Variants in CRPPA observed in about 807,000 individuals in gnomAD.
The protein encoded by CRPPA is CDP-L-ribitol pyrophosphorylase A, also known as D-ribitol-5-phosphate cytidylyltransferase.
In CRPPA, 43 loss-of-function variants were observed where a neutral mutation model predicts 52.0. The observed-to-expected ratio is 0.83, with a 90% confidence interval of 0.65 to 1.07. The LOEUF is 1.07. CRPPA is among the 50% of genes least tolerant of loss of function. The pLI is 0.00. For missense variants in CRPPA, 629 were observed against 551.7 expected, an observed-to-expected ratio of 1.14 and a Z score of -1.40; for synonymous variants, 250 against 203.5, an observed-to-expected ratio of 1.23 and a Z score of -1.94.
At chr7:16,396,625 C>T (rs1029053370) in intron 2 of CRPPA, among the ~76,000 whole-genome samples, 10 of 152,224 alleles carry the variant, frequency 6.6e-5, no homozygotes, top group Admixed American at 1.3e-4. Flanking sequence ...CTTACACATG[C>T]ATATATGTAG....
chr7:16,417,247 G>T (rs542621737), intron 1 of CRPPA, among the ~76,000 whole-genome samples: 1 of 152,274 alleles, frequency 6.6e-6, no homozygotes, highest in African/African-American at 2.4e-5. Context: ...ATTTCTCAAA[G>T]AACTTAAAAC....
intron 9 of CRPPA, among the ~76,000 whole-genome samples, chr7:16,178,492 A>G (rs1378993634): frequency 6.6e-6 from 1 of 152,156 alleles, no homozygotes; most frequent in Admixed American, 6.6e-5. Context: ...AAATGGTGGG[A>G]TAAACCATGT....
At chr7:16,203,702 C>A (rs146322827) in intron 9 of CRPPA, among the ~76,000 whole-genome samples, 1 of 152,076 alleles carries the variant, frequency 6.6e-6, no homozygotes, top group East Asian at 1.9e-4. Flanking sequence ...AGAATTTTTT[C>A]AGTTATATTT....
intron 5 of CRPPA, among the ~76,000 whole-genome samples, chr7:16,290,621 C>T (rs1385477927): frequency 6.6e-6 from 1 of 151,990 alleles, no homozygotes; most frequent in South Asian, 2.1e-4. Flanking sequence ...ACTCCTATCT[C>T]TCATCATATA....
At chr7:16,113,137 C>A (rs530508397) in intron 9 of CRPPA, among the ~76,000 whole-genome samples, 4 of 151,690 alleles carry the variant, frequency 2.6e-5, no homozygotes, top group Non-Finnish European at 4.4e-5. Flanking sequence ...AGAAATGAGA[C>A]CTGAAATACA....
chr7:16,301,461 G>A lies in CRPPA; in HGVS notation c.795C>T (p.Thr265=). The change falls in exon 5 of 10, where the codon ACC becomes ACT. Residue 265 remains threonine (T), a synonymous_variant. Coordinates refer to ENST00000407010, the MANE Select transcript of CRPPA (RefSeq NM_001101426.4). ...CAGCCGCATAGAGATCTCGTTTGTA[G>A]GTCACCTAAAGGACAGATAAACTTC... The part of the protein sequence containing the change: ...VEGSPDLWKV[T]YKRDLYAAES... 1 of 1,611,722 alleles carries A rather than the reference G, an allele frequency of 6.2e-7. No individual in the cohort carries two copies. The highest frequency in any genetic ancestry group is 1.7e-4 in the Middle Eastern group (1 of 6,058).
At chr7:16,263,658 C>A (rs892785865) in intron 6 of CRPPA, among the ~76,000 whole-genome samples, 3 of 151,828 alleles carry the variant, frequency 2.0e-5, no homozygotes, top group African/African-American at 7.3e-5. Flanking sequence ...GAGGCTGAGG[C>A]AGAGAACTGC....
At chr7:16,276,597 A>C (rs1047690993) in intron 6 of CRPPA, 2 of 152,236 alleles carry the variant, frequency 1.3e-5, no homozygotes, top group Admixed American at 6.5e-5. Flanking sequence ...AATTTTATTC[A>C]CATCGAAGAA....
At chr7:16,403,589 T>C (rs1184821000) in intron 2 of CRPPA, among the ~76,000 whole-genome samples, 1 of 152,098 alleles carries the variant, frequency 6.6e-6, no homozygotes, top group East Asian at 1.9e-4. Context: ...GAAAACTATC[T>C]AAGACAACAA....
intron 9 of CRPPA, among the ~76,000 whole-genome samples, chr7:16,143,337 C>A (rs929058919): frequency 6.6e-6 from 1 of 152,150 alleles, no homozygotes; most frequent in Non-Finnish European, 1.5e-5. Flanking sequence ...GAATAAAAAA[C>A]TTACCTTTGG....
chr7:16,355,366 T>C (rs900680976), intron 3 of CRPPA, among the ~76,000 whole-genome samples: 1 of 152,176 alleles, frequency 6.6e-6, no homozygotes, highest in Admixed American at 6.5e-5. Context: ...ATCATTACAG[T>C]GATTGACCCG....
At chr7:16,340,239 T>C (rs1319957657) in intron 3 of CRPPA, among the ~76,000 whole-genome samples, 3 of 151,854 alleles carry the variant, frequency 2.0e-5, no homozygotes, top group Admixed American at 6.6e-5. Context: ...CATGAAAAAA[T>C]TGGTACACTA....
intron 3 of CRPPA, among the ~76,000 whole-genome samples, chr7:16,358,763 T>C (rs1243750876): frequency 6.6e-6 from 1 of 152,186 alleles, no homozygotes; most frequent in Non-Finnish European, 1.5e-5. Flanking sequence ...AAAAAACTGC[T>C]TTCTACTAGT....
chr7:16,410,296 G>C (rs556617444), intron 1 of CRPPA, among the ~76,000 whole-genome samples: 1 of 152,186 alleles, frequency 6.6e-6, no homozygotes, highest in Non-Finnish European at 1.5e-5. Flanking sequence ...AGTGATTCTG[G>C]AATAAGACTA....
At chr7:16,186,333 G>C (rs1781504337) in intron 9 of CRPPA, among the ~76,000 whole-genome samples, 1 of 152,148 alleles carries the variant, frequency 6.6e-6, no homozygotes, top group African/African-American at 2.4e-5. Flanking sequence ...AGGGAGAATA[G>C]TACCCTTGTA....
At chr7:16,134,372 A>C (rs1279879432) in intron 9 of CRPPA, among the ~76,000 whole-genome samples, 1 of 67,278 alleles carries the variant, frequency 1.5e-5, no homozygotes, top group African/African-American at 3.6e-5. Flanking sequence ...CCTAATGATA[A>C]ATGTAATACA....
chr7:16,303,701 T>C (rs920691233), intron 4 of CRPPA, among the ~76,000 whole-genome samples: 5 of 152,094 alleles, frequency 3.3e-5, no homozygotes, highest in African/African-American at 7.2e-5. Context: ...TGGATACCTA[T>C]ATAAAATGCT....
At chr7:16,138,974 G>A (rs1424754959) in intron 9 of CRPPA, among the ~76,000 whole-genome samples, 1 of 152,068 alleles carries the variant, frequency 6.6e-6, no homozygotes. Context: ...GCTAATTTTT[G>A]TATTTTTAGT....
At chr7:16,317,724 G>C (rs191275412) in intron 3 of CRPPA, among the ~76,000 whole-genome samples, 4 of 152,270 alleles carry the variant, frequency 2.6e-5, no homozygotes, top group Admixed American at 2.0e-4. Flanking sequence ...ATGAATATGG[G>C]AGTGAGGTGC....
Sources: gnomAD v4.1 joint callset for allele counts (sites outside exome capture counted in the v4.1 genomes callset) on GRCh38, gnomAD v4.1.1 for gene constraint, MANE v1.5 for transcripts, NCBI Gene and HGNC (gene_info 2026-07-23, HGNC 2026-07-21) for gene names.